The following SPOCK1 variants were observed in gnomAD, a reference collection of about 807,000 sequenced individuals.
SPOCK1 encodes SPARC (osteonectin), cwcv and kazal like domains proteoglycan 1, also known as testican-1.
A neutral mutation model predicts 55.3 loss-of-function variants in SPOCK1; 23 were observed. The ratio of observed to expected loss-of-function variants is 0.42; its 90% CI spans 0.30 to 0.59. SPOCK1 has a LOEUF of 0.59. SPOCK1 is among the 20% of genes least tolerant of loss of function. The pLI is 0.22. For synonymous variants in SPOCK1, 226 were observed against 221.0 expected (o/e 1.02, Z -0.20); for missense variants, 499 against 552.5 (o/e 0.90, Z 0.97).
In SPOCK1 at chr5:136,979,529, G is replaced by C. The variant is rs1004397763; in HGVS notation, c.992-60C>G. 4 of 1,582,824 alleles carry C rather than the reference G, an allele frequency of 2.5e-6. No individual in the cohort carries two copies. In the African/African-American group the frequency reaches 5.4e-5, roughly 21 times the overall value. On this transcript the variant is annotated intron_variant, in intron 9 of 10. Transcript: ENST00000394945. Reference sequence around the variant, plus strand: ...CATGCAGATGATACTCGGGGTTAATGCCCGTCAACACAGGGAAGAGGGCTC... The same window carrying C: ...CATGCAGATGATACTCGGGGTTAATCCCCGTCAACACAGGGAAGAGGGCTC...
At chr5:137,483,513 T>C (rs1366299809) in intron 2 of SPOCK1, among the ~76,000 whole-genome samples, 1 of 152,146 alleles carries the variant, frequency 6.6e-6, no homozygotes, top group Admixed American at 6.5e-5. Flanking sequence ...GGAGAGTACC[T>C]GGCACATGTA....
At chr5:137,287,439 C>G (rs1757291255) in intron 2 of SPOCK1, among the ~76,000 whole-genome samples, 1 of 152,180 alleles carries the variant, frequency 6.6e-6, no homozygotes, top group Non-Finnish European at 1.5e-5. Context: ...CCTTAAGCAC[C>G]CTTGAGGCTT....
intron 4 of SPOCK1, among the ~76,000 whole-genome samples, chr5:137,122,238 T>TAC (rs1187459650): frequency 3.8e-5 from 4 of 106,360 alleles, no homozygotes; most frequent in Admixed American, 1.0e-4. Context: ...CAAAAGCAGT[T>TAC]ATACACACAC....
At chr5:137,242,695 G>A (rs955646162) in intron 3 of SPOCK1, among the ~76,000 whole-genome samples, 15 of 152,218 alleles carry the variant, frequency 9.9e-5, no homozygotes, top group South Asian at 4.2e-4. Context: ...CTGTGATTTC[G>A]CCACTGCATT....
At chr5:137,114,314 A>G (rs1753533960) in intron 4 of SPOCK1, among the ~76,000 whole-genome samples, 1 of 152,206 alleles carries the variant, frequency 6.6e-6, no homozygotes, top group African/African-American at 2.4e-5. Flanking sequence ...ATCAGTAACT[A>G]GATTTCAGAT....
intron 2 of SPOCK1, among the ~76,000 whole-genome samples, chr5:137,356,596 G>T (rs1376084430): frequency 6.6e-6 from 1 of 151,060 alleles, no homozygotes. Context: ...TTTGAGACCA[G>T]CCTGGCCAAC....
intron 3 of SPOCK1, among the ~76,000 whole-genome samples, chr5:137,242,094 A>C (rs1194206480): frequency 6.6e-6 from 1 of 152,212 alleles, no homozygotes; most frequent in Admixed American, 6.5e-5. Flanking sequence ...ACAGGCCAGC[A>C]TGGTGGCTCC....
At chr5:137,268,989 G>T (rs1413271810) in intron 2 of SPOCK1, among the ~76,000 whole-genome samples, 2 of 122,404 alleles carry the variant, frequency 1.6e-5, no homozygotes, top group African/African-American at 3.1e-5. Context: ...TCAAGAACTG[G>T]ATATTCCCTA....
At chr5:137,442,214 A>T (rs959760130) in intron 2 of SPOCK1, among the ~76,000 whole-genome samples, 1 of 152,206 alleles carries the variant, frequency 6.6e-6, no homozygotes, top group African/African-American at 2.4e-5. Flanking sequence ...TCATTCAACC[A>T]GTTACTTTTT....
At chr5:137,305,836 T>C (rs2916649) in intron 2 of SPOCK1, among the ~76,000 whole-genome samples, 129,217 of 152,258 alleles carry the variant, frequency 0.85, 55,036 homozygotes, top group African/African-American at 0.91. Context: ...GTGCATGCTC[T>C]TTCCAAGATC....
At chr5:137,165,629 T>C (rs1754635532) in intron 3 of SPOCK1, among the ~76,000 whole-genome samples, 1 of 152,068 alleles carries the variant, frequency 6.6e-6, no homozygotes, top group African/African-American at 2.4e-5. Flanking sequence ...AGACAGAGAA[T>C]TCAAAATGTT....
intron 5 of SPOCK1, among the ~76,000 whole-genome samples, chr5:137,106,628 C>T (rs1386985174): frequency 1.3e-5 from 2 of 152,092 alleles, no homozygotes; most frequent in African/African-American, 4.8e-5. Context: ...TGCACCCTCT[C>T]TGCAAATCCA....
chr5:137,350,797 G>A (rs769281282), intron 2 of SPOCK1, among the ~76,000 whole-genome samples: 8 of 146,962 alleles, frequency 5.4e-5, no homozygotes, highest in Non-Finnish European at 1.1e-4. Context: ...ATATAGGGTT[G>A]TGTGTGTGTG....
chr5:137,468,385 T>C (rs1753665243), intron 2 of SPOCK1, among the ~76,000 whole-genome samples: 1 of 152,230 alleles, frequency 6.6e-6, no homozygotes, highest in African/African-American at 2.4e-5. Flanking sequence ...ATTTGAATTC[T>C]GCCCAGCGCT....
intron 4 of SPOCK1, among the ~76,000 whole-genome samples, chr5:137,131,987 A>T (rs7712402): frequency 1.2e-4 from 5 of 40,296 alleles, no homozygotes; most frequent in East Asian, 1.1e-3. Flanking sequence ...AAAAAAAAAA[A>T]AAATATATAT....
At chr5:137,369,540 A>C (rs963477548) in intron 2 of SPOCK1, among the ~76,000 whole-genome samples, 5 of 152,214 alleles carry the variant, frequency 3.3e-5, no homozygotes, top group African/African-American at 1.2e-4. Flanking sequence ...TGGGTGTGCC[A>C]CTTACTAACT....
At chr5:137,105,849 T>C (rs1454073974) in intron 5 of SPOCK1, among the ~76,000 whole-genome samples, 1 of 152,148 alleles carries the variant, frequency 6.6e-6, no homozygotes, top group Non-Finnish European at 1.5e-5. Flanking sequence ...TTAACAGCAA[T>C]TAAGGAAGAG....
At chr5:137,070,243 C>G (rs1292297083) in intron 5 of SPOCK1, among the ~76,000 whole-genome samples, 1 of 152,186 alleles carries the variant, frequency 6.6e-6, no homozygotes. Context: ...CTGAAGTGTT[C>G]TGAACAGAGC....
At chr5:136,979,257 G>A (rs2126956448) in intron 10 of SPOCK1, 75 bp downstream of exon 10, 2 of 1,589,080 alleles carry the variant, frequency 1.3e-6, no homozygotes, top group South Asian at 1.1e-5. Context: ...ACATTCTTCT[G>A]CAGAGATCCT....
Sources: gnomAD v4.1 joint callset for allele counts (sites outside exome capture counted in the v4.1 genomes callset) on GRCh38, gnomAD v4.1.1 for gene constraint, MANE v1.5 for transcripts, NCBI Gene and HGNC (gene_info 2026-07-23, HGNC 2026-07-21) for gene names.